The following SMARCA2 variants were observed in gnomAD, a reference collection of about 807,000 sequenced individuals.
The protein encoded by SMARCA2 is SWI/SNF related BAF chromatin remodeling complex subunit ATPase 2.
A neutral mutation model predicts 199.8 loss-of-function variants in SMARCA2; 61 were observed. The ratio of observed to expected loss-of-function variants is 0.31; its 90% CI spans 0.25 to 0.38. The LOEUF (loss-of-function observed/expected upper bound fraction) is 0.38. SMARCA2 is among the 10% of genes least tolerant of loss of function. SMARCA2 has a pLI of 1.00. For missense variants in SMARCA2, 1,344 were observed against 2,012.2 expected, an observed-to-expected ratio of 0.67 and a Z score of 6.35; for synonymous variants, 935 against 732.0, an observed-to-expected ratio of 1.28 and a Z score of -4.48.
chr9:2,139,415 G>C (rs570678434), intron 27 of SMARCA2, among the ~76,000 whole-genome samples: 1 of 152,324 alleles, frequency 6.6e-6, no homozygotes, highest in East Asian at 1.9e-4. Context: ...GTTAGCCTCT[G>C]GGTTGGGGAG....
In SMARCA2 at chr9:2,170,484, T is replaced by C. The variant is rs754007960; in HGVS notation, c.4253+12T>C. On this transcript the variant is annotated intron_variant, in intron 29 of 33. Coordinates refer to ENST00000349721, the MANE Select transcript of SMARCA2 (RefSeq NM_003070.5). The surrounding 1 kb of genome is among the most constrained non-coding windows in gnomAD (Gnocchi z 4.7). ...ATAGAAGGAAACAGGTCAGGATCTG[T>C]CTTGTATTCCCCTATCTCTAAATAC... is the stretch of plus-strand genomic sequence containing the variant. The C allele has an allele frequency of 3.7e-6, 6 of 1,614,046 alleles. No individual in the cohort carries two copies. The Admixed American group carries it at 5.0e-5, about 13-fold the overall frequency.
intron 5 of SMARCA2, among the ~76,000 whole-genome samples, chr9:2,051,391 C>G (rs993046203): frequency 2.0e-5 from 3 of 152,120 alleles, no homozygotes; most frequent in African/African-American, 7.2e-5. Flanking sequence ...AGGTGCACCC[C>G]CCTCGCTCCC....
intron 5 of SMARCA2, among the ~76,000 whole-genome samples, chr9:2,051,024 G>C (rs919415722): frequency 5.9e-5 from 9 of 152,176 alleles, no homozygotes; most frequent in Non-Finnish European, 5.9e-5. Flanking sequence ...TTGTTGTTTG[G>C]GGAAGTTTAG....
chr9:2,123,241 C>CT lies in SMARCA2; in HGVS notation c.3763-468dup, dbSNP rs112744923. ...TTCTGTACTGATACCTTGGGTCCCCCTTTTTTTTTTATTGCTGATTGTTTA... is the reference window on the plus strand; with the variant it reads ...TTCTGTACTGATACCTTGGGTCCCCCTTTTTTTTTTTATTGCTGATTGTTTA... On this transcript the variant is annotated intron_variant, in intron 26 of 33. Coordinates refer to ENST00000349721, the MANE Select transcript of SMARCA2 (RefSeq NM_003070.5). The surrounding 1 kb of genome is among the most constrained non-coding windows in gnomAD (Gnocchi z 4.1). Among the ~76,000 whole-genome samples the CT allele has an allele frequency of 0.042, 6,173 of 148,338 alleles. 159 individuals are homozygous for CT. The highest frequency in any genetic ancestry group is 0.06 in the African/African-American group (2,450 of 40,566).
intron 31 of SMARCA2, among the ~76,000 whole-genome samples, chr9:2,182,454 A>T (rs1341081497): frequency 1.4e-5 from 2 of 145,298 alleles, no homozygotes; most frequent in Non-Finnish European, 3.0e-5. Flanking sequence ...GCGCCTACTC[A>T]CACTTCTTTT....
chr9:2,166,105 C>T (rs772425805), intron 28 of SMARCA2, among the ~76,000 whole-genome samples: 6 of 152,232 alleles, frequency 3.9e-5, no homozygotes, highest in South Asian at 2.1e-4. Flanking sequence ...AATCTGCTCT[C>T]ATTCTGAGAA....
chr9:2,110,451 C>T lies in SMARCA2; in HGVS notation c.3456+34C>T. The T allele has an allele frequency of 6.6e-7, 1 of 1,509,514 alleles. No homozygotes were observed. Among genetic ancestry groups the T allele is most frequent in the South Asian group, 1.3e-5 (1 of 77,322 alleles). 93.5% of individuals were successfully genotyped at this position (1,509,514 alleles called of 1,614,324 possible). ...GTCCCACTCAGGTGCCCAGGCCTCC[C>T]TCTGGAGAGCAACTAAAAGATGATC... On this transcript the variant is annotated intron_variant, in intron 24 of 33. Coordinates refer to ENST00000349721, the MANE Select transcript of SMARCA2 (RefSeq NM_003070.5). This position sits in a 1 kb window ranked among gnomAD's most constrained non-coding sequence, Gnocchi z 4.8.
At chr9:2,034,208 C>T (rs2130211487) in intron 3 of SMARCA2, among the ~76,000 whole-genome samples, 1 of 143,552 alleles carries the variant, frequency 7.0e-6, no homozygotes, top group South Asian at 2.2e-4. Context: ...CGCACCATTG[C>T]TCTCTAGCCT....
At chr9:2,064,138 GC>G (rs1563742695) in intron 9 of SMARCA2, among the ~76,000 whole-genome samples, 1 of 152,220 alleles carries the variant, frequency 6.6e-6, no homozygotes, top group African/African-American at 2.4e-5. Flanking sequence ...AGAGAATGGG[GC>G]TAGATCAAGC....
chr9:2,130,602 A>G (rs961692105), intron 27 of SMARCA2, among the ~76,000 whole-genome samples: 2 of 152,216 alleles, frequency 1.3e-5, no homozygotes, highest in African/African-American at 4.8e-5. Context: ...CATCCATTAC[A>G]GTTTTGTAAC....
At chr9:2,171,955 G>A (rs901666506) in intron 29 of SMARCA2, among the ~76,000 whole-genome samples, 2 of 152,112 alleles carry the variant, frequency 1.3e-5, no homozygotes, top group Non-Finnish European at 1.5e-5. Flanking sequence ...ATGACATGAC[G>A]GTATATGGTT....
intron 4 of SMARCA2, among the ~76,000 whole-genome samples, chr9:2,046,981 C>G (rs1426836664): frequency 6.6e-6 from 1 of 151,966 alleles, no homozygotes; most frequent in African/African-American, 2.4e-5. Flanking sequence ...ATGCCAGATT[C>G]TTTTTTCTTT....
At position 2,056,191 on chromosome 9, in the gene SMARCA2, G is replaced by A. The variant is rs993157616; in HGVS notation, c.1174-481G>A. ...CTCATATTTCCCATCCTTTGTATGA[G>A]ACTATGAATTAACGTTGTTTGAGTA... On this transcript the variant is annotated intron_variant, in intron 6 of 33. Coordinates refer to ENST00000349721, the MANE Select transcript of SMARCA2 (RefSeq NM_003070.5). The surrounding 1 kb of genome is among the most constrained non-coding windows in gnomAD (Gnocchi z 4.0). 1.3e-5 allele frequency among the ~76,000 whole-genome samples: 2 copies of A among 152,178 alleles called. No individual in the cohort carries two copies. Among genetic ancestry groups the A allele is most frequent in the African/African-American group, 4.8e-5 (2 of 41,444 alleles).
At chr9:2,066,620 A>G (rs1820847861) in intron 9 of SMARCA2, among the ~76,000 whole-genome samples, 1 of 152,212 alleles carries the variant, frequency 6.6e-6, no homozygotes, top group Non-Finnish European at 1.5e-5. Flanking sequence ...CATAAGCATA[A>G]TTAGTTCTAA....
chr9:2,122,168 C>G (rs1397338505), intron 26 of SMARCA2, among the ~76,000 whole-genome samples: 1 of 152,118 alleles, frequency 6.6e-6, no homozygotes, highest in Admixed American at 6.5e-5. Context: ...GATTTATTTT[C>G]TCAATTGTGG....
chr9:2,071,573 G>C (rs896587484), intron 10 of SMARCA2, among the ~76,000 whole-genome samples: 1 of 152,168 alleles, frequency 6.6e-6, no homozygotes, highest in African/African-American at 2.4e-5. Context: ...TCTTGGACTT[G>C]TGACATACAT....
chr9:2,049,918 T>A (rs1437509392), intron 5 of SMARCA2, among the ~76,000 whole-genome samples: 1 of 152,146 alleles, frequency 6.6e-6, no homozygotes, highest in Non-Finnish European at 1.5e-5. Flanking sequence ...TAGAGAGGGG[T>A]CTAAAAAACC....
intron 32 of SMARCA2, among the ~76,000 whole-genome samples, chr9:2,188,926 C>G (rs1001519977): frequency 6.6e-6 from 1 of 152,178 alleles, no homozygotes; most frequent in Non-Finnish European, 1.5e-5. Flanking sequence ...GGCTCATTGC[C>G]TCCCCACCCC....
intron 21 of SMARCA2, among the ~76,000 whole-genome samples, chr9:2,098,124 G>A (rs928396141): frequency 1.3e-5 from 2 of 152,206 alleles, no homozygotes; most frequent in African/African-American, 4.8e-5. Context: ...ACTGGAGCAG[G>A]AATGAAAAGG....
Sources: gnomAD v4.1 joint callset for allele counts (sites outside exome capture counted in the v4.1 genomes callset) on GRCh38, gnomAD v4.1.1 for gene constraint, Gnocchi (gnomAD v3.1) non-coding constraint, MANE v1.5 for transcripts, NCBI Gene and HGNC (gene_info 2026-07-23, HGNC 2026-07-21) for gene names.